GRB7: variants seen among roughly 807,000 people sequenced by gnomAD.
The protein encoded by GRB7 is growth factor receptor bound protein 7, also known as growth factor receptor-bound protein 7.
Under a neutral mutation model 64.1 loss-of-function variants are expected in GRB7, and 47 were observed. That is an observed-to-expected ratio of 0.73 (90% CI 0.58 to 0.94). The LOEUF (loss-of-function observed/expected upper bound fraction) is 0.94, where lower values mean the gene tolerates loss of function less well. GRB7 is among the 40% of genes least tolerant of loss of function. GRB7 has a pLI of 0.00. For missense variants in GRB7, 634 were observed against 718.4 expected (o/e 0.88, Z 1.34); for synonymous variants, 277 against 279.9 (o/e 0.99, Z 0.10).
At position 39,744,084 on chromosome 17, in the gene GRB7, TG is replaced by T. The variant is rs1463086871; in HGVS notation, c.680del (p.Gly227AlafsTer52). 7 of 1,614,072 alleles carry T rather than the reference TG, an allele frequency of 4.3e-6. No individual in the cohort carries two copies. Among genetic ancestry groups the T allele is most frequent in the Non-Finnish European group, 5.9e-6 (7 of 1,180,036 alleles). On this transcript the variant is annotated frameshift_variant, in exon 7 of 15. Transcript: ENST00000309156. LOFTEE classifies it high-confidence loss of function. ...CTCTGGCTCAGAACTTCCTGAATGC[TG>T]GCAGCTTTCCTGAGATCCAGGGCTT... is the stretch of plus-strand genomic sequence containing the variant. ...EDLIQNFLNA[G>X]SFPEIQGFLQ...
At chr17:39,744,762 T>C (rs1354070439) in intron 8 of GRB7, 99 bp downstream of exon 8, 6 of 1,293,264 alleles carry the variant, frequency 4.6e-6, no homozygotes, top group East Asian at 2.5e-5. Context: ...TTCAGACACC[T>C]AGACTCCTCT....
chr17:39,744,771 C>G lies in GRB7; in HGVS notation c.912+108C>G, dbSNP rs544717296. The G allele has an allele frequency of 2.7e-4, 345 of 1,290,138 alleles. No individual in the cohort carries two copies. In the African/African-American group the frequency reaches 4.9e-3, roughly 18 times the overall value. 79.9% of individuals were successfully genotyped at this position (1,290,138 alleles called of 1,614,324 possible). The stretch of plus-strand genomic sequence containing the variant: ...CCCCAATTCAGACACCTAGACTCCT[C>G]TCCCTGCACCCTGGCCTGCTGGAAA... On this transcript the variant is annotated intron_variant, in intron 8 of 14. Transcript: ENST00000309156.
Position 39,743,649 on chromosome 17 carries a change from C to T in GRB7, c.663+179C>T, listed in dbSNP as rs753150221. On this transcript the variant is annotated intron_variant, in intron 6 of 14. Transcript: ENST00000309156. Reference sequence around the variant, plus strand: ...ATCAGTTTCTTCTATTAAATGGGGGCGAGAAATGCATGTGGAGCATTTCCT... The same window carrying T: ...ATCAGTTTCTTCTATTAAATGGGGGTGAGAAATGCATGTGGAGCATTTCCT... 96 of 623,008 alleles carry T rather than the reference C, an allele frequency of 1.5e-4. 1 individual carries two copies. Among genetic ancestry groups the T allele is most frequent in the Non-Finnish European group, 2.0e-4 (72 of 351,438 alleles). 38.6% of individuals were successfully genotyped at this position (623,008 alleles called of 1,614,324 possible). A position where few individuals can be genotyped will look rare whatever the true frequency, so the allele number is the denominator to read the frequency against.
At position 39,742,668 on chromosome 17, in the gene GRB7, C is replaced by T; in HGVS notation, c.258C>T (p.Gly86=). ...SPPSQSPILG[G]PSSARGLLPR... is the part of the protein sequence containing the mutation. ...CCTCACAGAGCCCAATTCTCGGGGGCCCCTCCAGTGCAAGGGGGCTGCTCC... is the reference window on the plus strand; with the variant it reads ...CCTCACAGAGCCCAATTCTCGGGGGTCCCTCCAGTGCAAGGGGGCTGCTCC... Residue 86 remains glycine, a synonymous_variant, in exon 3 of 15, where the codon GGC becomes GGT. Transcript: ENST00000309156. 6.2e-7 allele frequency: 1 copy of T among 1,603,064 alleles called. No homozygotes were observed. The highest frequency in any genetic ancestry group is 8.5e-7 in the Non-Finnish European group (1 of 1,174,168).
chr17:39,738,927 G>A, intron 1 of GRB7: 4 of 1,535,212 alleles, frequency 2.6e-6, no homozygotes, highest in Non-Finnish European at 3.5e-6. Context: ...GAGGCCGGGT[G>A]AGACGGGGTC....
chr17:39,747,111 C>G lies in GRB7; in HGVS notation c.*214C>G, dbSNP rs1371888199. 2.1e-5 allele frequency: 12 copies of G among 571,990 alleles called. No individual in the cohort carries two copies. The East Asian group carries it at 3.6e-4, about 17-fold the overall frequency. The allele number at this position is 571,990 out of a possible 1,614,324, so 35.4% of individuals were successfully genotyped here. A position where few individuals can be genotyped will look rare whatever the true frequency, so the allele number is the denominator to read the frequency against. Reference sequence around the variant, plus strand: ...CTGACCCCTCTCCTCAAGGGAAGGCCTTGGGTGGCCCCCTCTCCTTCTCCT... The same window carrying G: ...CTGACCCCTCTCCTCAAGGGAAGGCGTTGGGTGGCCCCCTCTCCTTCTCCT... On this transcript the variant is annotated 3_prime_UTR_variant, in exon 15 of 15. Transcript: ENST00000309156.
intron 1 of GRB7, among the ~76,000 whole-genome samples, chr17:39,741,357 G>T (rs1019367551): frequency 6.6e-6 from 1 of 152,166 alleles, no homozygotes; most frequent in Non-Finnish European, 1.5e-5. Flanking sequence ...TTTGGGGGCT[G>T]CTGGGGCCAG....
At position 39,747,044 on chromosome 17, in the gene GRB7, T is replaced by C; in HGVS notation, c.*147T>C. 1.2e-6 allele frequency: 1 copy of C among 841,686 alleles called. No homozygotes were observed. Among genetic ancestry groups the C allele is most frequent in the Non-Finnish European group, 1.8e-6 (1 of 555,924 alleles). The allele number at this position is 841,686 out of a possible 1,614,324, so 52.1% of individuals were successfully genotyped here. A position where few individuals can be genotyped will look rare whatever the true frequency, so the allele number is the denominator to read the frequency against. ...ACTCCAGTTTTCTCCTCTGCTTCTT[T>C]GCCTCCCTCAGATAGAAAACAGCCC... On this transcript the variant is annotated 3_prime_UTR_variant, in exon 15 of 15. Transcript: ENST00000309156.
chr17:39,743,032 G>A lies in GRB7; in HGVS notation c.441G>A (p.Glu147=). Residue 147 remains glutamate (E), a synonymous_variant, in exon 4 of 15, where the codon GAG becomes GAA. Coordinates refer to ENST00000309156, the MANE Select transcript of GRB7 (RefSeq NM_005310.5). ...GCGACGAGACCTGGGGGCTGGTGGA[G>A]TGCCACCCCCACCTAGCACTGGGTA... ...ALSDETWGLV[E]CHPHLALERG... is the part of the protein sequence containing the mutation. 1 of 1,608,706 alleles carries A rather than the reference G, an allele frequency of 6.2e-7. No homozygotes were observed. The highest frequency in any genetic ancestry group is 8.5e-7 in the Non-Finnish European group (1 of 1,176,770).
At chr17:39,739,591 G>A (rs1329696691) in intron 1 of GRB7, among the ~76,000 whole-genome samples, 1 of 152,242 alleles carries the variant, frequency 6.6e-6, no homozygotes, top group African/African-American at 2.4e-5. Context: ...CCCCTGCTCT[G>A]GGAAGCAGAG....
chr17:39,745,611 G>A, intron 11 of GRB7, 73 bp downstream of exon 11: 1 of 1,555,922 alleles, frequency 6.4e-7, no homozygotes, highest in Non-Finnish European at 8.8e-7. Context: ...AAATAGGAGG[G>A]AGGAAGAGAG....
At position 39,745,273 on chromosome 17, in the gene GRB7, C is replaced by A; in HGVS notation, c.1042C>A (p.Gln348Lys). 3 of 1,612,016 alleles carry A rather than the reference C, an allele frequency of 1.9e-6. No homozygotes were observed. Among genetic ancestry groups the A allele is most frequent in the Non-Finnish European group, 2.5e-6 (3 of 1,178,790 alleles). Reference protein sequence around the residue: ...YGVQLYKNYQQAQSRHLHPSC... With the variant: ...YGVQLYKNYQKAQSRHLHPSC... ...GGTGCAGCTGTACAAGAATTACCAG[C>A]AGGCACAGTCTCGCCATCTGCATCC... Residue 348 changes from glutamine (Q) to lysine (K), a missense_variant, in exon 10 of 15, where the codon CAG (glutamine) becomes AAG (lysine). Transcript: ENST00000309156.
At position 39,744,085 on chromosome 17, in the gene GRB7, G is replaced by A; in HGVS notation, c.679G>A (p.Gly227Ser). 6.2e-7 allele frequency: 1 copy of A among 1,614,122 alleles called. No individual in the cohort carries two copies. Among genetic ancestry groups the A allele is most frequent in the Non-Finnish European group, 8.5e-7 (1 of 1,180,000 alleles). ...TCTGGCTCAGAACTTCCTGAATGCT[G>A]GCAGCTTTCCTGAGATCCAGGGCTT... is the stretch of plus-strand genomic sequence containing the variant. ...EDLIQNFLNA[G>S]SFPEIQGFLQ... Residue 227 changes from glycine to serine, a missense_variant, in exon 7 of 15, where the codon GGC becomes AGC. This residue lies in a region of GRB7 where 467 missense variants were observed against 576.6 expected (regional missense o/e 0.81). Coordinates refer to ENST00000309156, the MANE Select transcript of GRB7 (RefSeq NM_005310.5).
At position 39,743,000 on chromosome 17, in the gene GRB7, G is replaced by A. The variant is rs139622371; in HGVS notation, c.409G>A (p.Ala137Thr). 156 of 1,612,718 alleles carry A rather than the reference G, an allele frequency of 9.7e-5. No homozygotes were observed. The highest frequency in any genetic ancestry group is 1.3e-4 in the Non-Finnish European group (148 of 1,179,306). Residue 137 changes from alanine (A) to threonine (T), a missense_variant, in exon 4 of 15, where the codon GCC (alanine) becomes ACC (threonine). Around this residue, in one of 2 missense-constraint regions of GRB7, gnomAD observed 467 missense variants for 576.6 expected, o/e 0.81. Transcript: ENST00000309156. ...VCEMLVQRAH[A>T]LSDETWGLVE... ...TGAAATGCTGGTGCAGCGAGCTCACGCCTTGAGCGACGAGACCTGGGGGCT... is the reference window on the plus strand; with the variant it reads ...TGAAATGCTGGTGCAGCGAGCTCACACCTTGAGCGACGAGACCTGGGGGCT...
intron 6 of GRB7, chr17:39,743,716 T>C (rs931181095): frequency 3.5e-6 from 2 of 566,444 alleles, no homozygotes; most frequent in Admixed American, 6.3e-5. Context: ...GGCTCATGCC[T>C]ATAATCCCAG....
rs202075956 is a variant in GRB7 at position 39,743,260 on chromosome 17, C to T, written c.544C>T (p.Arg182Trp). The change falls in exon 5 of 15, where the codon CGG becomes TGG. Residue 182 changes from arginine to tryptophan, a missense_variant. Arg to Trp is a moderately radical substitution (Grantham distance 101). Around this residue, in one of 2 missense-constraint regions of GRB7, gnomAD observed 467 missense variants for 576.6 expected, o/e 0.81. Coordinates refer to ENST00000309156, the MANE Select transcript of GRB7 (RefSeq NM_005310.5). The part of the protein sequence containing the change: ...PVGGDSRFVF[R>W]KNFAKYELFK... ...GGGCGGAGATAGCCGCTTCGTCTTCCGGAAAAACTTCGCCAAGTACGAACT... is the reference window on the plus strand; with the variant it reads ...GGGCGGAGATAGCCGCTTCGTCTTCTGGAAAAACTTCGCCAAGTACGAACT... 29 of 1,614,194 alleles carry T rather than the reference C, an allele frequency of 1.8e-5. No homozygotes were observed. Among genetic ancestry groups the T allele is most frequent in the Middle Eastern group, 1.6e-4 (1 of 6,062 alleles).
At position 39,747,081 on chromosome 17, in the gene GRB7, C is replaced by T. The variant is rs757440456; in HGVS notation, c.*184C>T. 4 of 627,508 alleles carry T rather than the reference C, an allele frequency of 6.4e-6. No homozygotes were observed. Among genetic ancestry groups the T allele is most frequent in the Admixed American group, 3.1e-5 (1 of 32,146 alleles). 38.9% of individuals were successfully genotyped at this position (627,508 alleles called of 1,614,324 possible). The stretch of plus-strand genomic sequence containing the variant: ...ATAGAAAACAGCCCCCACTCCAGTC[C>T]ACTCCTGACCCCTCTCCTCAAGGGA... On this transcript the variant is annotated 3_prime_UTR_variant, in exon 15 of 15. Coordinates refer to ENST00000309156, the MANE Select transcript of GRB7 (RefSeq NM_005310.5).
At position 39,742,910 on chromosome 17, in the gene GRB7, T is replaced by C. The variant is rs2060009129; in HGVS notation, c.319T>C (p.Tyr107His). The stretch of plus-strand genomic sequence containing the variant: ...TCCTGGGGCGCAGGTAGTAAAGGTG[T>C]ACAGTGAGGATGGGGCCTGCAGGTC... ...DASRPHVVKV[Y>H]SEDGACRSVE... is the part of the protein sequence containing the mutation. The change falls in exon 4 of 15, where the codon TAC (tyrosine) becomes CAC (histidine). Residue 107 changes from tyrosine to histidine, a missense_variant. By Grantham distance (83) the Tyr-to-His change is moderately conservative. Transcript: ENST00000309156. 6.2e-7 allele frequency: 1 copy of C among 1,600,260 alleles called. No individual in the cohort carries two copies. The highest frequency in any genetic ancestry group is 8.5e-7 in the Non-Finnish European group (1 of 1,172,716).
intron 14 of GRB7, 92 bp downstream of exon 14, chr17:39,746,294 G>A: frequency 3.0e-6 from 3 of 993,032 alleles, no homozygotes; most frequent in South Asian, 1.3e-5. Flanking sequence ...AGGCTCCCTG[G>A]CCCCCAGTGC....
Sources: gnomAD v4.1 joint callset for allele counts (sites outside exome capture counted in the v4.1 genomes callset) on GRCh38, gnomAD v4.1.1 for gene constraint, gnomAD v4.1.1 regional missense constraint, MANE v1.5 for transcripts, NCBI Gene and HGNC (gene_info 2026-07-23, HGNC 2026-07-21) for gene names.